Variants in MPP7 observed in about 807,000 individuals in gnomAD.
The protein encoded by MPP7 is MAGUK p55 scaffold protein 7.
MPP7 carries 60 observed loss-of-function variants against 76.5 expected under a neutral mutation model. The ratio of observed to expected loss-of-function variants is 0.78; its 90% CI spans 0.64 to 0.97. MPP7 has a LOEUF of 0.97. Among genes scored for constraint, MPP7 ranks in the 50% least tolerant of loss-of-function variants. MPP7 has a pLI of 0.00. For synonymous variants in MPP7, 237 were observed against 244.5 expected (o/e 0.97, Z 0.29); for missense variants, 641 against 694.0 (o/e 0.92, Z 0.86).
At chr10:28,270,319 A>G (rs746894070) in intron 1 of MPP7, among the ~76,000 whole-genome samples, 1 of 152,158 alleles carries the variant, frequency 6.6e-6, no homozygotes, top group Non-Finnish European at 1.5e-5. Flanking sequence ...TGACATGGTT[A>G]TAATCACAAT....
intron 12 of MPP7, among the ~76,000 whole-genome samples, chr10:28,083,532 C>CT (rs5784040): frequency 0.04 from 3,233 of 81,672 alleles, 136 homozygotes; most frequent in Admixed American, 0.074. Context: ...TTTTCTTCCT[C>CT]TTTTTTTTTT....
chr10:28,180,392 T>C (rs1214951982), intron 3 of MPP7, among the ~76,000 whole-genome samples: 1 of 152,174 alleles, frequency 6.6e-6, no homozygotes, highest in Non-Finnish European at 1.5e-5. Context: ...GGGAGATGCA[T>C]GTCTATCAAA....
chr10:28,324,777 T>C (rs1279217885), intron 2 of MPP7, among the ~76,000 whole-genome samples: 3 of 152,230 alleles, frequency 2.0e-5, no homozygotes, highest in Non-Finnish European at 4.4e-5. Context: ...TCCAGAACTC[T>C]ACCCACTGGT....
intron 11 of MPP7, among the ~76,000 whole-genome samples, chr10:28,108,648 C>T (rs1439577152): frequency 6.6e-6 from 1 of 151,454 alleles, no homozygotes; most frequent in African/African-American, 2.4e-5. Context: ...CAGAGCCAGA[C>T]CCTGTCTCAA....
intron 3 of MPP7, among the ~76,000 whole-genome samples, chr10:28,153,862 G>A (rs1367875841): frequency 6.6e-6 from 1 of 152,028 alleles, no homozygotes; most frequent in Non-Finnish European, 1.5e-5. Context: ...TCTATTATGA[G>A]TACAAAAAAG....
At chr10:28,120,692 T>A (rs1249151099) in intron 8 of MPP7, 24 bp from the exon 9 acceptor site, 2 of 1,593,884 alleles carry the variant, frequency 1.3e-6, no homozygotes, top group South Asian at 2.2e-5. Flanking sequence ...AAACAAGGAG[T>A]TATAAGAAAA....
intron 3 of MPP7, among the ~76,000 whole-genome samples, chr10:28,179,277 C>A (rs148386523): frequency 6.6e-6 from 1 of 152,062 alleles, no homozygotes. Context: ...GAAAATACCC[C>A]CTTCTCTGCC....
intron 3 of MPP7, among the ~76,000 whole-genome samples, chr10:28,199,212 C>T (rs1265326151): frequency 6.6e-6 from 1 of 152,034 alleles, no homozygotes; most frequent in Non-Finnish European, 1.5e-5. Context: ...GGGGTCCTTC[C>T]CACAACACAT....
intron 2 of MPP7, among the ~76,000 whole-genome samples, chr10:28,220,920 G>A (rs1438714455): frequency 2.0e-5 from 3 of 152,124 alleles, no homozygotes; most frequent in Non-Finnish European, 4.4e-5. Context: ...TATCCTCTTA[G>A]AGGCTTGTTA....
At chr10:28,240,625 G>A (rs1839236488) in intron 1 of MPP7, among the ~76,000 whole-genome samples, 1 of 151,988 alleles carries the variant, frequency 6.6e-6, no homozygotes, top group African/African-American at 2.4e-5. Context: ...AAAATGTGAG[G>A]CAAGATTTCA....
intron 2 of MPP7, among the ~76,000 whole-genome samples, chr10:28,321,684 A>G (rs1445509763): frequency 6.6e-6 from 1 of 152,092 alleles, no homozygotes; most frequent in Admixed American, 6.5e-5. Flanking sequence ...TCCCATGTTC[A>G]AGCAATTCTC....
chr10:28,305,338 C>T (rs549503478), upstream of MPP7: 6 of 152,086 alleles, frequency 3.9e-5, no homozygotes, highest in East Asian at 3.9e-4. Flanking sequence ...GGATTCCTGA[C>T]GGGCAACATC....
At chr10:28,102,932 C>CT (rs1371338632) in intron 11 of MPP7, among the ~76,000 whole-genome samples, 1 of 152,194 alleles carries the variant, frequency 6.6e-6, no homozygotes, top group East Asian at 1.9e-4. Flanking sequence ...TACGGCTCTG[C>CT]TTAGAGCCCT....
chr10:28,165,176 G>A (rs188169880), intron 3 of MPP7, among the ~76,000 whole-genome samples: 7 of 152,172 alleles, frequency 4.6e-5, no homozygotes, highest in Non-Finnish European at 8.8e-5. Context: ...CAAATCGCCC[G>A]AGCCTGTGAC....
At chr10:28,122,580 A>G (rs1834876338) in intron 8 of MPP7, among the ~76,000 whole-genome samples, 2 of 152,150 alleles carry the variant, frequency 1.3e-5, no homozygotes, top group Admixed American at 6.6e-5. Context: ...CAAGCTTTCC[A>G]ATCTCATATC....
chr10:28,085,706 A>C (rs917116981), intron 12 of MPP7, among the ~76,000 whole-genome samples: 6 of 152,224 alleles, frequency 3.9e-5, no homozygotes, highest in African/African-American at 7.2e-5. Context: ...TGTCGAGGGA[A>C]TATCCCTGTT....
chr10:28,069,252 T>A (rs996252831), intron 13 of MPP7, among the ~76,000 whole-genome samples: 2 of 152,212 alleles, frequency 1.3e-5, no homozygotes, highest in African/African-American at 4.8e-5. Context: ...GGATAAATGC[T>A]TGAGGGAATG....
intron 11 of MPP7, among the ~76,000 whole-genome samples, chr10:28,105,565 T>C (rs1422920347): frequency 2.6e-5 from 4 of 152,322 alleles, no homozygotes; most frequent in African/African-American, 9.6e-5. Context: ...TGGAATGCAA[T>C]GGCGCGATCT....
rs142453365 is a variant in MPP7 at position 28,133,908 on chromosome 10, A to G, written c.316-2217T>C. On this transcript the variant is annotated intron_variant, in intron 5 of 16. Coordinates refer to ENST00000683449, the MANE Select transcript of MPP7 (RefSeq NM_001318170.2). The stretch of plus-strand genomic sequence containing the variant: ...TAGAAGGAATTCATTTTTCATTGCT[A>G]TATAGTTTTACAACATATAAATATG... Among the ~76,000 whole-genome samples the G allele has an allele frequency of 2.0e-3, 310 of 152,188 alleles. 1 individual carries two copies. The highest frequency in any genetic ancestry group is 7.3e-3 in the African/African-American group (302 of 41,510).
Sources: allele counts gnomAD v4.1 joint callset (sites outside exome capture counted in the v4.1 genomes callset), GRCh38; gene constraint gnomAD v4.1.1; transcripts MANE v1.5; gene names NCBI Gene and HGNC (gene_info 2026-07-23, HGNC 2026-07-21).